SALL4: variants seen among roughly 807,000 people sequenced by gnomAD.
The protein encoded by SALL4 is sal-like protein 4.
A neutral mutation model predicts 60.8 loss-of-function variants in SALL4; 4 were observed. The ratio of observed to expected loss-of-function variants is 0.07; its 90% CI spans 0.03 to 0.15. SALL4 has a LOEUF of 0.15. SALL4 is among the 10% of genes least tolerant of loss of function. SALL4 has a pLI of 1.00. For synonymous variants in SALL4, 580 were observed against 574.9 expected (o/e 1.01, Z -0.13); for missense variants, 1,178 against 1,394.7 (o/e 0.84, Z 2.48).
chr20:51,785,224 C>T lies in SALL4; in HGVS notation c.2743-540G>A, dbSNP rs374039758. ...GCTGAGGCACGAGAATCGCTTGAAC[C>T]TGGGAGGCGGAGGTTGCAGTGAGCC... On this transcript the variant is annotated intron_variant, in intron 3 of 3. Transcript: ENST00000217086. Among the ~76,000 whole-genome samples, 19 of 152,248 alleles carry T rather than the reference C, an allele frequency of 1.2e-4. 2 individuals are homozygous for T. The highest frequency in any genetic ancestry group is 2.0e-4 in the Admixed American group (3 of 15,300).
At position 51,783,826 on chromosome 20, in the gene SALL4, G is replaced by T. The variant is rs1031169985; in HGVS notation, c.*439C>A. The T allele has an allele frequency of 4.7e-5, 10 of 211,532 alleles. No individual in the cohort carries two copies. Among genetic ancestry groups the T allele is most frequent in the Non-Finnish European group, 9.5e-5 (10 of 104,714 alleles). The allele number at this position is 211,532 out of a possible 1,614,324, so 13.1% of individuals were successfully genotyped here. A position where few individuals can be genotyped will look rare whatever the true frequency, so the allele number is the denominator to read the frequency against. On this transcript the variant is annotated 3_prime_UTR_variant, in exon 4 of 4. Coordinates refer to ENST00000217086, the MANE Select transcript of SALL4 (RefSeq NM_020436.5). Reference sequence around the variant, plus strand: ...TCACGAGGTCAGCAGTTCGAGACCAGCCTGACCAACATGGTGAAACCCAGT... The same window carrying T: ...TCACGAGGTCAGCAGTTCGAGACCATCCTGACCAACATGGTGAAACCCAGT...
rs911273899 is a variant in SALL4, at chr20:51,791,435, T to C, written c.1048A>G (p.Thr350Ala). The change falls in exon 2 of 4, where the codon ACT becomes GCT. Residue 350 changes from threonine to alanine, a missense_variant. Physicochemically the swap from Thr to Ala is moderately conservative, Grantham distance 58. This residue lies in a region of SALL4 where 853 missense variants were observed against 1,036.8 expected (regional missense o/e 0.82). Transcript: ENST00000217086. The surrounding 1 kb of genome is among the most constrained non-coding windows in gnomAD (Gnocchi z 4.6). ...TTCTTGGATGTGTCTAGCGCCACAG[T>C]GGAGAAAGGGCTCTGGAAGAGCACC... ...GSVLFQSPFSTVALDTSKKGK... is the reference protein window; with the variant it reads ...GSVLFQSPFSAVALDTSKKGK... 2.5e-6 allele frequency: 4 copies of C among 1,613,826 alleles called. No individual in the cohort carries two copies. The African/African-American group carries it at 5.3e-5, about 22-fold the overall frequency.
At chr20:51,786,223 A>G (rs1451295683) in intron 3 of SALL4, among the ~76,000 whole-genome samples, 9 of 149,694 alleles carry the variant, frequency 6.0e-5, no homozygotes, top group Admixed American at 2.7e-4. Flanking sequence ...AGTAGCTGGG[A>G]CTACAGGCGC....
In SALL4 at chr20:51,790,530, A is replaced by T. The variant is rs773519958; in HGVS notation, c.1953T>A (p.Gly651=). Residue 651 remains glycine (G), a synonymous_variant, in exon 2 of 4, where the codon GGT becomes GGA. Coordinates refer to ENST00000217086, the MANE Select transcript of SALL4 (RefSeq NM_020436.5). This position sits in a 1 kb window ranked among gnomAD's most constrained non-coding sequence, Gnocchi z 5.5. ...LQQHIRMHMG[G]QIPNTPLPEN... is the part of the protein sequence containing the mutation. ...CTGGCAGGGGCGTGTTGGGAATCTGACCGCCCATGTGCATCCGAATATGTT... is the reference window on the plus strand; with the variant it reads ...CTGGCAGGGGCGTGTTGGGAATCTGTCCGCCCATGTGCATCCGAATATGTT... The T allele has an allele frequency of 1.2e-6, 2 of 1,614,122 alleles. No homozygotes were observed. The highest frequency in any genetic ancestry group is 2.2e-5 in the South Asian group (2 of 91,084).
At position 51,790,906 on chromosome 20, in the gene SALL4, G is replaced by A. The variant is rs367732231; in HGVS notation, c.1577C>T (p.Pro526Leu). 153 of 1,613,972 alleles carry A rather than the reference G, an allele frequency of 9.5e-5. No individual in the cohort carries two copies. Among genetic ancestry groups the A allele is most frequent in the Non-Finnish European group, 1.2e-4 (139 of 1,180,042 alleles). The change falls in exon 2 of 4, where the codon CCA becomes CTA. Residue 526 changes from proline (P) to leucine (L), a missense_variant. Pro to Leu is a moderately conservative substitution (Grantham distance 98). Coordinates refer to ENST00000217086, the MANE Select transcript of SALL4 (RefSeq NM_020436.5). The surrounding 1 kb of genome is among the most constrained non-coding windows in gnomAD (Gnocchi z 5.5). ...EGGPTLPGVG[P>L]NYNSPRAGGF... Reference sequence around the variant, plus strand: ...ACCAGCCCTTGGGGAATTATAGTTTGGTCCCACCCCAGGGAGTGTGGGTCC... The same window carrying A: ...ACCAGCCCTTGGGGAATTATAGTTTAGTCCCACCCCAGGGAGTGTGGGTCC...
rs776689678 is a variant in SALL4, at chr20:51,790,995, C to G, written c.1488G>C (p.Lys496Asn). ...CGGGCAAGGAGCCACCCGTGAGGTCCTTGGGATTAGTCCCCGAAGAAAGAT... is the reference window on the plus strand; with the variant it reads ...CGGGCAAGGAGCCACCCGTGAGGTCGTTGGGATTAGTCCCCGAAGAAAGAT... Reference protein sequence around the residue: ...PQNLSSGTNPKDLTGGSLPGD... With the variant: ...PQNLSSGTNPNDLTGGSLPGD... The change falls in exon 2 of 4, where the codon AAG (lysine) becomes AAC (asparagine). Residue 496 changes from lysine (K) to asparagine (N), a missense_variant. Physicochemically the swap from Lys to Asn is moderately conservative, Grantham distance 94. Transcript: ENST00000217086. This position sits in a 1 kb window ranked among gnomAD's most constrained non-coding sequence, Gnocchi z 5.5. 10 of 1,614,180 alleles carry G rather than the reference C, an allele frequency of 6.2e-6. No homozygotes were observed. Among genetic ancestry groups the G allele is most frequent in the African/African-American group, 2.7e-5 (2 of 75,042 alleles).
chr20:51,788,323 T>TTGTGTGTGTGTGTG lies in SALL4; in HGVS notation c.2742+524_2742+537dup, dbSNP rs3030173. ...GCATGCAACACCATGCCCAACTAAT[T>TTGTGTGTGTGTGTG]TGTGTGTGTGTGTGTGTGTGTGTGT... On this transcript the variant is annotated intron_variant, in intron 3 of 3. Transcript: ENST00000217086. The surrounding 1 kb of genome is among the most constrained non-coding windows in gnomAD (Gnocchi z 4.1). 2.1e-5 allele frequency among the ~76,000 whole-genome samples: 3 copies of TTGTGTGTGTGTGTG among 141,836 alleles called. No homozygotes were observed. Among genetic ancestry groups the TTGTGTGTGTGTGTG allele is most frequent in the African/African-American group, 7.9e-5 (3 of 37,784 alleles). 93.0% of individuals were successfully genotyped at this position (141,836 alleles called of 152,430 possible). A position where few individuals can be genotyped will look rare whatever the true frequency, so the allele number is the denominator to read the frequency against.
In SALL4 at chr20:51,802,335, T is replaced by TGCTGCG; in HGVS notation, c.68_73dup (p.Pro23_Gln24dup). On this transcript the variant is annotated inframe_insertion, in exon 1 of 4. Coordinates refer to ENST00000217086, the MANE Select transcript of SALL4 (RefSeq NM_020436.5). ...CGCATCTGCAAACTCCGGGGTCTGC[T>TGCTGCG]GCTGCGGCTGCTGCTCGCCCTGGTC... is the stretch of plus-strand genomic sequence containing the variant. The TGCTGCG allele has an allele frequency of 6.2e-7, 1 of 1,609,828 alleles. No individual in the cohort carries two copies. The highest frequency in any genetic ancestry group is 1.1e-5 in the South Asian group (1 of 90,994).
rs74912453 is a variant in SALL4 at position 51,797,083 on chromosome 20, G to A, written c.131-4731C>T. ...AAAATTCAACCTTTCTTTCAATGATGAATATAAGCAACATACCACAGTGGT... is the reference window on the plus strand; with the variant it reads ...AAAATTCAACCTTTCTTTCAATGATAAATATAAGCAACATACCACAGTGGT... On this transcript the variant is annotated intron_variant, in intron 1 of 3. Coordinates refer to ENST00000217086, the MANE Select transcript of SALL4 (RefSeq NM_020436.5). Among the ~76,000 whole-genome samples the A allele has an allele frequency of 8.6e-5, 13 of 151,928 alleles. No homozygotes were observed. The East Asian group carries it at 2.5e-3, about 29-fold the overall frequency.
rs2078022783 is a variant in SALL4, at chr20:51,790,021, C to T, written c.2461+1G>A. The T allele has an allele frequency of 6.2e-7, 1 of 1,614,104 alleles. No homozygotes were observed. Among genetic ancestry groups the T allele is most frequent in the Non-Finnish European group, 8.5e-7 (1 of 1,180,054 alleles). On this transcript the variant is annotated splice_donor_variant, in intron 2 of 3. Transcript: ENST00000217086. LOFTEE classifies it high-confidence loss of function. This position sits in a 1 kb window ranked among gnomAD's most constrained non-coding sequence, Gnocchi z 5.5. ...ATAAGTTAAATCCAAAGCTCTATCA[C>T]CTTCCATCTCAGTGCGGCTGTTCTC... is the stretch of plus-strand genomic sequence containing the variant.
intron 1 of SALL4, among the ~76,000 whole-genome samples, chr20:51,800,260 AC>A (rs1408176089): frequency 2.6e-5 from 4 of 152,010 alleles, no homozygotes; most frequent in Non-Finnish European, 5.9e-5. Flanking sequence ...CGTCCCACCC[AC>A]CAGGTGTGAG....
rs1267566850 is a variant in SALL4 at position 51,783,477 on chromosome 20, C to A, written c.*788G>T. ...AGGGTTGGGGCATATAAAACAGGTC[C>A]CTAAAGAGATGACAGACCTTGTCCT... On this transcript the variant is annotated 3_prime_UTR_variant, in exon 4 of 4. Coordinates refer to ENST00000217086, the MANE Select transcript of SALL4 (RefSeq NM_020436.5). 2 of 151,572 alleles carry A rather than the reference C, an allele frequency of 1.3e-5. No homozygotes were observed. The highest frequency in any genetic ancestry group is 4.9e-5 in the African/African-American group (2 of 41,188). The allele number at this position is 151,572 out of a possible 1,614,324, so 9.4% of individuals were successfully genotyped here.
At position 51,790,321 on chromosome 20, in the gene SALL4, G is replaced by A. The variant is rs147195029; in HGVS notation, c.2162C>T (p.Thr721Met). Residue 721 changes from threonine (T) to methionine (M), a missense_variant, in exon 2 of 4, where the codon ACG becomes ATG. Thr to Met is a moderately conservative substitution (Grantham distance 81). Coordinates refer to ENST00000217086, the MANE Select transcript of SALL4 (RefSeq NM_020436.5). This position sits in a 1 kb window ranked among gnomAD's most constrained non-coding sequence, Gnocchi z 5.5. Reference protein sequence around the residue: ...PLPSIHSASPTLGFAMMASLD... With the variant: ...PLPSIHSASPMLGFAMMASLD... The stretch of plus-strand genomic sequence containing the variant: ...GGAAGCCATCATGGCAAACCCTAGC[G>A]TGGGTGATGCCGAGTGGATGCTGGG... 3.2e-4 allele frequency: 512 copies of A among 1,614,200 alleles called. No homozygotes were observed. The highest frequency in any genetic ancestry group is 8.8e-4 in the African/African-American group (66 of 75,064).
At chr20:51,797,323 AT>A (rs1283483016) in intron 1 of SALL4, 1 of 151,956 alleles carries the variant, frequency 6.6e-6, no homozygotes, top group Non-Finnish European at 1.5e-5. Context: ...TCATCTATGT[AT>A]TTTATACACT....
At position 51,784,689 on chromosome 20, in the gene SALL4, G is replaced by A. The variant is rs564136747; in HGVS notation, c.2743-5C>T. 56 of 1,614,162 alleles carry A rather than the reference G, an allele frequency of 3.5e-5. No homozygotes were observed. In the South Asian group the frequency reaches 5.4e-4, roughly 16 times the overall value. ...CCCGTGTGTCATGTAGTGAACCTAT[G>A]GGAACAGGACAGAAAGGTTTTTACC... On this transcript the variant is annotated splice_polypyrimidine_tract_variant and splice_region_variant and intron_variant, in intron 3 of 3. Coordinates refer to ENST00000217086, the MANE Select transcript of SALL4 (RefSeq NM_020436.5).
intron 1 of SALL4, among the ~76,000 whole-genome samples, chr20:51,794,554 A>G (rs1205969633): frequency 2.0e-5 from 3 of 152,186 alleles, no homozygotes; most frequent in Non-Finnish European, 4.4e-5. Context: ...TCCATCTCAA[A>G]AAATAAATAA....
intron 1 of SALL4, among the ~76,000 whole-genome samples, chr20:51,794,598 G>A (rs2078069188): frequency 6.6e-6 from 1 of 152,084 alleles, no homozygotes; most frequent in Admixed American, 6.6e-5. Context: ...GTGAAAAACA[G>A]AGACTCTGAG....
chr20:51,800,413 G>A (rs1486766783), intron 1 of SALL4, among the ~76,000 whole-genome samples: 1 of 152,212 alleles, frequency 6.6e-6, no homozygotes, highest in East Asian at 1.9e-4. Context: ...CTCCCAAATC[G>A]CAGTGGCAGC....
In SALL4 at chr20:51,791,728, G is replaced by A; in HGVS notation, c.755C>T (p.Ala252Val). 1 of 1,614,168 alleles carries A rather than the reference G, an allele frequency of 6.2e-7. No individual in the cohort carries two copies. The highest frequency in any genetic ancestry group is 1.1e-5 in the South Asian group (1 of 91,084). Reference protein sequence around the residue: ...WASHALHSSGAGADTLKTLGS... With the variant: ...WASHALHSSGVGADTLKTLGS... ...CAAGGTCTTCAGAGTGTCGGCCCCT[G>A]CCCCGCTTGAGTGGAGGGCGTGGGA... The change falls in exon 2 of 4, where the codon GCA becomes GTA. Residue 252 changes from alanine (A) to valine (V), a missense_variant. Ala to Val is a moderately conservative substitution (Grantham distance 64, BLOSUM62 0). This residue lies in a region of SALL4 where 853 missense variants were observed against 1,036.8 expected (regional missense o/e 0.82). Transcript: ENST00000217086. The surrounding 1 kb of genome is among the most constrained non-coding windows in gnomAD (Gnocchi z 4.6).
Sources: gnomAD v4.1 joint callset for allele counts (sites outside exome capture counted in the v4.1 genomes callset) on GRCh38, gnomAD v4.1.1 for gene constraint, gnomAD v4.1.1 regional missense constraint, Gnocchi (gnomAD v3.1) non-coding constraint, MANE v1.5 for transcripts, NCBI Gene and HGNC (gene_info 2026-07-23, HGNC 2026-07-21) for gene names.